KCNN2: variants seen among roughly 807,000 people sequenced by gnomAD.
KCNN2 encodes small conductance calcium-activated potassium channel protein 2.
Under a neutral mutation model 55.5 loss-of-function variants are expected in KCNN2, and 24 were observed. That is an observed-to-expected ratio of 0.43 (90% confidence interval 0.31 to 0.61). KCNN2 has a LOEUF of 0.61. KCNN2 is among the 20% of genes least tolerant of loss of function. The pLI is 0.08. For synonymous variants in KCNN2, 431 were observed against 336.1 expected (o/e 1.28, Z -3.09); for missense variants, 754 against 853.6 (o/e 0.88, Z 1.45).
At chr5:114,201,712 C>G (rs1457174218) in intron 1 of KCNN2, among the ~76,000 whole-genome samples, 2 of 152,106 alleles carry the variant, frequency 1.3e-5, no homozygotes, top group African/African-American at 4.8e-5. Flanking sequence ...GGGTCCCTCT[C>G]AGGCAAGCAG....
intron 1 of KCNN2, among the ~76,000 whole-genome samples, chr5:114,178,985 C>T (rs577758240): frequency 6.6e-6 from 1 of 152,278 alleles, no homozygotes; most frequent in South Asian, 2.1e-4. Flanking sequence ...AATGCAAAGA[C>T]ATTAGCATCT....
At position 114,404,356 on chromosome 5, in the gene KCNN2, G is replaced by A. The variant is rs925492049; in HGVS notation, c.1219-82G>A. 8.1e-6 allele frequency: 9 copies of A among 1,109,206 alleles called. No individual in the cohort carries two copies. The Admixed American group carries it at 1.8e-4, about 23-fold the overall frequency. 68.7% of individuals were successfully genotyped at this position (1,109,206 alleles called of 1,614,324 possible). A position where few individuals can be genotyped will look rare whatever the true frequency, so the allele number is the denominator to read the frequency against. On this transcript the variant is annotated intron_variant, in intron 2 of 7. Transcript: ENST00000673685. ...TTGCCATGATTGCTAAAAGTCATCT[G>A]TTGTGTGTTTTTAAAATCTGCACTA...
chr5:114,121,793 G>A (rs1751835160), intron 1 of KCNN2, among the ~76,000 whole-genome samples: 1 of 152,154 alleles, frequency 6.6e-6, no homozygotes, highest in African/African-American at 2.4e-5. Context: ...TTGGATAAGC[G>A]AGAGACATTT....
chr5:114,358,019 G>A (rs543082853), upstream of KCNN2, among the ~76,000 whole-genome samples: 150 of 151,150 alleles, frequency 9.9e-4, no homozygotes, highest in African/African-American at 3.5e-3. Context: ...GTATCTCATT[G>A]TGGTTTTGAT....
chr5:114,396,554 T>C (rs1019260442), intron 2 of KCNN2, among the ~76,000 whole-genome samples: 1 of 149,024 alleles, frequency 6.7e-6, no homozygotes, highest in African/African-American at 2.4e-5. Context: ...AGGTAGTCTT[T>C]TTTTTTTTTT....
intron 2 of KCNN2, among the ~76,000 whole-genome samples, chr5:114,390,018 G>A (rs1758409828): frequency 2.6e-5 from 4 of 152,058 alleles, no homozygotes; most frequent in Admixed American, 2.6e-4. Flanking sequence ...AATTGCCTGT[G>A]CTTTAACTGG....
At chr5:114,270,653 T>C (rs1017009230) in intron 2 of KCNN2, among the ~76,000 whole-genome samples, 1 of 152,180 alleles carries the variant, frequency 6.6e-6, no homozygotes, top group African/African-American at 2.4e-5. Flanking sequence ...TTTACTCCCA[T>C]TATGGGCAAG....
intron 3 of KCNN2, among the ~76,000 whole-genome samples, chr5:114,414,217 A>G (rs998211409): frequency 2.0e-5 from 3 of 152,216 alleles, no homozygotes; most frequent in Non-Finnish European, 4.4e-5. Flanking sequence ...CATGCCATAA[A>G]AAAAGACATT....
intron 2 of KCNN2, among the ~76,000 whole-genome samples, chr5:114,291,617 C>G (rs1469310262): frequency 6.6e-6 from 1 of 152,130 alleles, no homozygotes; most frequent in African/African-American, 2.4e-5. Flanking sequence ...GGTTCCAAGT[C>G]TTTTGCTATT....
chr5:114,303,864 G>A (rs562439935), intron 2 of KCNN2, among the ~76,000 whole-genome samples: 57 of 152,268 alleles, frequency 3.7e-4, no homozygotes, highest in Middle Eastern at 3.4e-3. Flanking sequence ...AGTAGATTCA[G>A]AAGGAAGGAT....
intron 1 of KCNN2, among the ~76,000 whole-genome samples, chr5:114,183,373 GTTTGGAAATTT>G (rs1429136638): frequency 2.0e-5 from 3 of 151,964 alleles, no homozygotes; most frequent in Non-Finnish European, 4.4e-5. Context: ...TTCATAAACT[GTTTGGAAATTT>G]TTCCCACTTT....
intron 2 of KCNN2, among the ~76,000 whole-genome samples, chr5:114,386,660 G>A (rs150195400): frequency 7.0e-4 from 107 of 152,230 alleles, no homozygotes; most frequent in African/African-American, 2.5e-3. Flanking sequence ...GAAAGGTTGA[G>A]CCAAGATTTA....
chr5:114,188,737 G>GA (rs35768550), intron 1 of KCNN2, among the ~76,000 whole-genome samples: 80,491 of 151,812 alleles, frequency 0.53, 22,507 homozygotes, highest in Non-Finnish European at 0.62. Flanking sequence ...ATAAATTGGG[G>GA]AAAAAATGTA....
At position 114,362,894 on chromosome 5, in the gene KCNN2, T is replaced by G; in HGVS notation, c.755T>G (p.Val252Gly). ...EAQPLQPPAS[V>G]GGGGGASSPS... ...CAGCCCCTGCAGCCCCCCGCGTCTG[T>G]CGGAGGAGGTGGCGGCGCGTCCTCC... Residue 252 changes from valine (V) to glycine (G), a missense_variant, in exon 1 of 8, where the codon GTC becomes GGC. By Grantham distance (109) the Val-to-Gly change is moderately radical. Around this residue, in one of 4 missense-constraint regions of KCNN2, gnomAD observed 381 missense variants for 259.1 expected, o/e 1.47. Transcript: ENST00000673685. 6.3e-7 allele frequency: 1 copy of G among 1,596,244 alleles called. No homozygotes were observed. The highest frequency in any genetic ancestry group is 1.1e-5 in the South Asian group (1 of 90,476).
At chr5:114,126,998 C>G (rs575063828) in intron 1 of KCNN2, among the ~76,000 whole-genome samples, 1 of 152,176 alleles carries the variant, frequency 6.6e-6, no homozygotes, top group Non-Finnish European at 1.5e-5. Context: ...ATATCCAGGT[C>G]GCGCTGATGC....
intron 3 of KCNN2, among the ~76,000 whole-genome samples, chr5:114,454,133 T>C (rs1297274816): frequency 1.3e-5 from 2 of 152,186 alleles, no homozygotes; most frequent in African/African-American, 4.8e-5. Flanking sequence ...TTCATCCATG[T>C]CCCTGCAAAG....
At chr5:114,223,674 A>C (rs969749691) in intron 2 of KCNN2, among the ~76,000 whole-genome samples, 2 of 152,172 alleles carry the variant, frequency 1.3e-5, no homozygotes, top group Non-Finnish European at 2.9e-5. Flanking sequence ...AGACAACACT[A>C]CATTTTTCAC....
intron 2 of KCNN2, among the ~76,000 whole-genome samples, chr5:114,401,390 G>A (rs907085709): frequency 6.6e-6 from 1 of 152,054 alleles, no homozygotes; most frequent in African/African-American, 2.4e-5. Context: ...TTATGCTTCG[G>A]TATTCTCAGC....
chr5:114,130,721 T>A (rs1460060904), intron 1 of KCNN2, among the ~76,000 whole-genome samples: 2 of 152,202 alleles, frequency 1.3e-5, no homozygotes, highest in Admixed American at 1.3e-4. Context: ...TCATAATTTT[T>A]TTTCCTCTTA....
Sources: allele counts gnomAD v4.1 joint callset (sites outside exome capture counted in the v4.1 genomes callset), GRCh38; gene constraint gnomAD v4.1.1; regional missense constraint gnomAD v4.1.1; transcripts MANE v1.5; gene names NCBI Gene and HGNC (gene_info 2026-07-23, HGNC 2026-07-21).